The following PCGF3 variants were observed in gnomAD, a reference collection of about 807,000 sequenced individuals.
PCGF3 encodes polycomb group ring finger 3.
Under a neutral mutation model 33.1 loss-of-function variants are expected in PCGF3, and 7 were observed. The ratio of observed to expected loss-of-function variants is 0.21; its 90% CI spans 0.12 to 0.40. The LOEUF is 0.40. Ranked by LOEUF, PCGF3 falls within the 10% of genes least tolerant of loss-of-function variation. PCGF3 has a pLI of 1.00. For missense variants in PCGF3, 211 were observed against 313.3 expected (o/e 0.67, Z 2.46); for synonymous variants, 153 against 121.3 (o/e 1.26, Z -1.72).
chr4:738,442 G>A (rs1021484422), intron 6 of PCGF3, among the ~76,000 whole-genome samples: 1 of 152,078 alleles, frequency 6.6e-6, no homozygotes, highest in Admixed American at 6.5e-5. Flanking sequence ...ATACATTCGA[G>A]TTAAATGCTG....
chr4:753,925 C>A (rs1744648929), intron 8 of PCGF3, among the ~76,000 whole-genome samples: 1 of 152,214 alleles, frequency 6.6e-6, no homozygotes, highest in Admixed American at 6.5e-5. Context: ...AAGAGCGAGA[C>A]TCTGACCTTC....
chr4:714,262 C>T (rs73221107), intron 1 of PCGF3, among the ~76,000 whole-genome samples: 2,920 of 152,316 alleles, frequency 0.019, 54 homozygotes, highest in Non-Finnish European at 0.031. Context: ...TAAGGTGCTT[C>T]GGTCGCAGCC....
exon 10 of PCGF3, chr4:765,064 G>A (rs1560221898): frequency 6.2e-7 from 1 of 1,603,770 alleles, no homozygotes; most frequent in Non-Finnish European, 8.5e-7. Context: ...GGAGATTCAA[G>A]GTGAGACACG....
intron 8 of PCGF3, among the ~76,000 whole-genome samples, chr4:754,466 C>T (rs1744678938): frequency 6.6e-6 from 1 of 152,148 alleles, no homozygotes; most frequent in South Asian, 2.1e-4. Context: ...AGCGGAGAGC[C>T]CACCCATCCA....
chr4:736,717 GTGTCCCC>G (rs1370956471), intron 5 of PCGF3, among the ~76,000 whole-genome samples: 8 of 150,700 alleles, frequency 5.3e-5, no homozygotes, highest in Non-Finnish European at 8.9e-5. Flanking sequence ...CGCAGGGACG[GTGTCCCC>G]TGAGCGCACG....
intron 6 of PCGF3, among the ~76,000 whole-genome samples, chr4:740,110 T>C (rs1455139050): frequency 6.6e-6 from 1 of 152,258 alleles, no homozygotes; most frequent in Admixed American, 6.5e-5. Context: ...ATTGCAAACC[T>C]CATTTCTCCG....
intron 10 of PCGF3, 61 bp downstream of exon 10, chr4:765,125 C>A: frequency 8.5e-7 from 1 of 1,178,196 alleles, no homozygotes; most frequent in South Asian, 1.3e-5. Flanking sequence ...TGCTGTGCAT[C>A]TCTTATCTAA....
At chr4:751,553 C>T (rs1184145657) in intron 8 of PCGF3, among the ~76,000 whole-genome samples, 2 of 151,946 alleles carry the variant, frequency 1.3e-5, no homozygotes, top group South Asian at 4.2e-4. Flanking sequence ...CTTCTCTTAA[C>T]TCTTAAGCCC....
At chr4:734,497 A>G (rs1008358409) in intron 4 of PCGF3, 47 of 1,218,310 alleles carry the variant, frequency 3.9e-5, no homozygotes, top group Admixed American at 2.4e-4. Context: ...TTTAACGTTA[A>G]TCGTATTTTT....
At chr4:768,306 G>C (rs1437156600) in exon 11 of PCGF3, 1 of 152,624 alleles carries the variant, frequency 6.6e-6, no homozygotes, top group Admixed American at 6.5e-5. Context: ...CCTCTCGTCT[G>C]ACCTTGCAGC....
exon 11 of PCGF3, chr4:766,035 G>C: frequency 6.2e-7 from 1 of 1,614,076 alleles, no homozygotes; most frequent in South Asian, 1.1e-5. Context: ...CTTCCAGAAG[G>C]CGCCGCTCCT....
At chr4:755,936 G>C (rs1378903425) in intron 8 of PCGF3, among the ~76,000 whole-genome samples, 3 of 89,502 alleles carry the variant, frequency 3.4e-5, no homozygotes, top group Non-Finnish European at 6.2e-5. Flanking sequence ...TTTTTTTGGA[G>C]ATGGAGTTTC....
chr4:711,888 G>A (rs1276648443), intron 1 of PCGF3, among the ~76,000 whole-genome samples: 4 of 151,624 alleles, frequency 2.6e-5, no homozygotes, highest in Non-Finnish European at 5.9e-5. Context: ...TTGAACCCGG[G>A]AAGCGGAGTT....
At chr4:760,880 C>G (rs1272208337) in intron 8 of PCGF3, among the ~76,000 whole-genome samples, 1 of 152,244 alleles carries the variant, frequency 6.6e-6, no homozygotes, top group Non-Finnish European at 1.5e-5. Flanking sequence ...TCCCTACTGT[C>G]TTCCTGCAGT....
chr4:766,484 T>A (rs949776986), exon 11 of PCGF3: 1 of 160,416 alleles, frequency 6.2e-6, no homozygotes, highest in Non-Finnish European at 1.4e-5. Flanking sequence ...AGTTGGACTT[T>A]TATTGAATCC....
chr4:760,118 G>C (rs1469896501), intron 8 of PCGF3, among the ~76,000 whole-genome samples: 2 of 152,198 alleles, frequency 1.3e-5, no homozygotes, highest in African/African-American at 4.8e-5. Context: ...GCTCTTGCGG[G>C]GCCTTTAATG....
chr4:723,108 C>T (rs998525554), intron 1 of PCGF3, among the ~76,000 whole-genome samples: 1 of 146,610 alleles, frequency 6.8e-6, no homozygotes, highest in Admixed American at 6.8e-5. Flanking sequence ...TCCACACTCG[C>T]GTCATCGCCG....
chr4:767,154 G>C (rs1232710745), exon 11 of PCGF3: 2 of 152,210 alleles, frequency 1.3e-5, no homozygotes, highest in African/African-American at 2.4e-5. Flanking sequence ...GCAGGGACAG[G>C]GTGAGCAGCT....
chr4:752,255 C>T lies in PCGF3; in HGVS notation c.462+7567C>T, dbSNP rs985679470. ...TCTTTCTCCTCTCAGTTCTGCCTCC[C>T]GCAGTCCCTGCATCTGCCACCTTCT... On this transcript the variant is annotated intron_variant, in intron 8 of 10. Transcript: ENST00000362003. 9.8e-5 allele frequency among the ~76,000 whole-genome samples: 15 copies of T among 152,338 alleles called. No individual in the cohort carries two copies. The South Asian group carries it at 1.4e-3, about 15-fold the overall frequency.
Sources: gnomAD v4.1 joint callset for allele counts (sites outside exome capture counted in the v4.1 genomes callset) on GRCh38, gnomAD v4.1.1 for gene constraint, MANE v1.5 for transcripts, NCBI Gene and HGNC (gene_info 2026-07-23, HGNC 2026-07-21) for gene names.